The following SDK1 variants were observed in gnomAD, a reference collection of about 807,000 sequenced individuals.
The protein encoded by SDK1 is sidekick cell adhesion molecule 1.
Under a neutral mutation model 245.5 loss-of-function variants are expected in SDK1, and 157 were observed. That is an observed-to-expected ratio of 0.64 (90% CI 0.56 to 0.73). The LOEUF is 0.73. Among genes scored for constraint, SDK1 ranks in the 30% least tolerant of loss-of-function variants. SDK1 has a pLI of 0.00. For missense variants in SDK1, 3,583 were observed against 3,002.3 expected (o/e 1.19, Z -4.52); for synonymous variants, 1,647 against 1,278.5 (o/e 1.29, Z -6.15).
intron 1 of SDK1, among the ~76,000 whole-genome samples, chr7:3,359,210 T>G (rs1780887855): frequency 6.6e-6 from 1 of 152,102 alleles, no homozygotes; most frequent in Non-Finnish European, 1.5e-5. Context: ...GTGTGTGGGC[T>G]GCCAAGTGGC....
intron 1 of SDK1, among the ~76,000 whole-genome samples, chr7:3,459,837 T>C (rs972385413): frequency 6.6e-6 from 1 of 152,192 alleles, no homozygotes; most frequent in East Asian, 1.9e-4. Flanking sequence ...CTGATTGGGA[T>C]TCCTTGAATA....
At chr7:3,395,801 T>G (rs181201901) in intron 1 of SDK1, among the ~76,000 whole-genome samples, 1 of 152,048 alleles carries the variant, frequency 6.6e-6, no homozygotes, top group African/African-American at 2.4e-5. Flanking sequence ...TCTTTGTCTT[T>G]CTAATCTGTG....
intron 7 of SDK1, among the ~76,000 whole-genome samples, chr7:3,957,511 ATAAT>A (rs924725295): frequency 2.0e-5 from 3 of 152,248 alleles, no homozygotes; most frequent in Non-Finnish European, 2.9e-5. Flanking sequence ...GAGGAAAACT[ATAAT>A]TAATCATAAG....
At chr7:4,211,061 C>T (rs369353029) in intron 38 of SDK1, among the ~76,000 whole-genome samples, 11 of 152,190 alleles carry the variant, frequency 7.2e-5, no homozygotes, top group Admixed American at 6.5e-4. Context: ...CCACAGCACA[C>T]GGGGCTATGG....
intron 1 of SDK1, among the ~76,000 whole-genome samples, chr7:3,461,548 G>A (rs962824885): frequency 2.6e-5 from 4 of 152,154 alleles, no homozygotes; most frequent in Non-Finnish European, 5.9e-5. Flanking sequence ...CGTGAGGGCC[G>A]AATTCAAGTA....
At chr7:3,469,742 C>T (rs114676538) in intron 1 of SDK1, among the ~76,000 whole-genome samples, 2,190 of 152,282 alleles carry the variant, frequency 0.014, 48 homozygotes, top group African/African-American at 0.043. Context: ...GAAAACACAT[C>T]TGCCTTAGTG....
chr7:3,361,347 A>G (rs989641858), intron 1 of SDK1, among the ~76,000 whole-genome samples: 5 of 152,226 alleles, frequency 3.3e-5, no homozygotes, highest in African/African-American at 7.2e-5. Flanking sequence ...TTTCTATCAT[A>G]GGACCTCTGT....
At chr7:4,227,338 G>A (rs1407720405) in intron 40 of SDK1, 1 of 468,586 alleles carries the variant, frequency 2.1e-6, no homozygotes, top group African/African-American at 2.0e-5. Context: ...ACCCCTTCCT[G>A]GGATCAGCCT....
chr7:3,617,254 A>G (rs563668722), intron 1 of SDK1, among the ~76,000 whole-genome samples: 1 of 152,352 alleles, frequency 6.6e-6, no homozygotes, highest in African/African-American at 2.4e-5. Context: ...TTTATTAGCT[A>G]TCCCCTTAGT....
At chr7:3,989,037 GAGCCACCGCGCC>G (rs1784087141) in intron 14 of SDK1, among the ~76,000 whole-genome samples, 6 of 152,222 alleles carry the variant, frequency 3.9e-5, no homozygotes, top group Admixed American at 3.9e-4. Flanking sequence ...TTACAGGCAT[GAGCCACCGCGCC>G]TGGCGTCCAG....
intron 5 of SDK1, among the ~76,000 whole-genome samples, chr7:3,876,952 T>G (rs541148232): frequency 6.6e-6 from 1 of 152,368 alleles, no homozygotes; most frequent in South Asian, 2.1e-4. Context: ...GTTCTTTTCT[T>G]AAAGCAAAGA....
At chr7:3,646,525 T>C (rs933233308) in intron 4 of SDK1, among the ~76,000 whole-genome samples, 6 of 152,200 alleles carry the variant, frequency 3.9e-5, no homozygotes, top group Non-Finnish European at 1.5e-5. Flanking sequence ...TTATGGATGT[T>C]AAATTACTTA....
chr7:4,127,328 T>C, intron 25 of SDK1, 53 bp from the exon 26 acceptor site: 1 of 1,325,580 alleles, frequency 7.5e-7, no homozygotes, highest in Non-Finnish European at 1.1e-6. Context: ...TGGATCTTTG[T>C]ATGTAGACAC....
intron 6 of SDK1, 84 bp downstream of exon 6, chr7:3,951,118 T>C (rs1780800923): frequency 9.7e-7 from 1 of 1,035,294 alleles, no homozygotes; most frequent in South Asian, 1.3e-5. Context: ...CACTGGAGCA[T>C]GAGGTTCAGC....
At position 4,023,382 on chromosome 7, in the gene SDK1, C is replaced by T. The variant is rs149685310; in HGVS notation, c.2602+6030C>T. ...CAGCAAAGCTCTAATACAGTTTCAG[C>T]CAAGTGAACTTTCTGAGGGGTGAGA... is the stretch of plus-strand genomic sequence containing the variant. On this transcript the variant is annotated intron_variant, in intron 17 of 44. Coordinates refer to ENST00000404826, the MANE Select transcript of SDK1 (RefSeq NM_152744.4). Among the ~76,000 whole-genome samples, 6 of 152,182 alleles carry T rather than the reference C, an allele frequency of 3.9e-5. No homozygotes were observed. The East Asian group carries it at 1.2e-3, about 29-fold the overall frequency.
At chr7:3,569,104 C>T (rs982637429) in intron 1 of SDK1, among the ~76,000 whole-genome samples, 1 of 149,174 alleles carries the variant, frequency 6.7e-6, no homozygotes, top group Non-Finnish European at 1.5e-5. Context: ...TTTATATTTA[C>T]TCATTTAAAA....
intron 30 of SDK1, among the ~76,000 whole-genome samples, chr7:4,154,149 G>A (rs1008898746): frequency 6.6e-6 from 1 of 152,206 alleles, no homozygotes; most frequent in Admixed American, 6.5e-5. Context: ...TCTGAGGCAG[G>A]AACGTGGAAC....
intron 4 of SDK1, among the ~76,000 whole-genome samples, chr7:3,672,912 A>G (rs1041741969): frequency 2.0e-5 from 3 of 149,476 alleles, no homozygotes; most frequent in African/African-American, 2.5e-5. Context: ...TAAAAGCTCT[A>G]TTCTAACTCT....
In SDK1 at chr7:4,028,135, G is replaced by T. The variant is rs946373762; in HGVS notation, c.2602+10783G>T. 4.6e-5 allele frequency among the ~76,000 whole-genome samples: 7 copies of T among 152,120 alleles called. No homozygotes were observed. In the South Asian group the frequency reaches 1.4e-3, roughly 32 times the overall value. On this transcript the variant is annotated intron_variant, in intron 17 of 44. Coordinates refer to ENST00000404826, the MANE Select transcript of SDK1 (RefSeq NM_152744.4). ...CAGAATCAACATCTCCTAGGAACTT[G>T]TTAGAAATACAAATTCTCGGGCCTT...
Sources: gnomAD v4.1 joint callset for allele counts (sites outside exome capture counted in the v4.1 genomes callset) on GRCh38, gnomAD v4.1.1 for gene constraint, MANE v1.5 for transcripts, NCBI Gene and HGNC (gene_info 2026-07-23, HGNC 2026-07-21) for gene names.